DTNBP1: variants seen among roughly 807,000 people sequenced by gnomAD.
The protein encoded by DTNBP1 is dysbindin.
DTNBP1 carries 35 observed loss-of-function variants against 42.8 expected under a neutral mutation model. The ratio of observed to expected loss-of-function variants is 0.82; its 90% CI spans 0.63 to 1.09. The LOEUF is 1.09. DTNBP1 is among the 50% of genes least tolerant of loss of function. The pLI, the probability that DTNBP1 is intolerant of heterozygous loss-of-function variation, is 0.00. For synonymous variants in DTNBP1, 171 were observed against 162.2 expected, an observed-to-expected ratio of 1.05 and a Z score of -0.41; for missense variants, 457 against 424.2, an observed-to-expected ratio of 1.08 and a Z score of -0.68.
At chr6:15,547,878 T>A (rs1237998855) in intron 7 of DTNBP1, among the ~76,000 whole-genome samples, 1 of 152,230 alleles carries the variant, frequency 6.6e-6, no homozygotes, top group Non-Finnish European at 1.5e-5. Context: ...TTTCAAGCCA[T>A]CTGCATTTAA....
At chr6:15,585,129 A>T (rs907961324) in intron 7 of DTNBP1, among the ~76,000 whole-genome samples, 3 of 142,984 alleles carry the variant, frequency 2.1e-5, no homozygotes, top group Non-Finnish European at 4.5e-5. Context: ...TGTATGAAGC[A>T]TTATGACATT....
chr6:15,579,067 A>G (rs1303969989), intron 7 of DTNBP1, among the ~76,000 whole-genome samples: 1 of 152,236 alleles, frequency 6.6e-6, no homozygotes, highest in Non-Finnish European at 1.5e-5. Flanking sequence ...AGAAAAGAAA[A>G]TCAGTATTTT....
intron 1 of DTNBP1, among the ~76,000 whole-genome samples, chr6:15,652,985 T>A (rs894578352): frequency 1.2e-4 from 18 of 152,274 alleles, no homozygotes; most frequent in African/African-American, 4.1e-4. Context: ...CTAAATGTGA[T>A]CAGACCACAA....
chr6:15,566,332 A>C (rs991456630), intron 7 of DTNBP1, among the ~76,000 whole-genome samples: 1 of 151,864 alleles, frequency 6.6e-6, no homozygotes, highest in African/African-American at 2.4e-5. Context: ...AAAAAAAAAA[A>C]AAAATTCTAA....
At chr6:15,576,919 C>T (rs567531383) in intron 7 of DTNBP1, among the ~76,000 whole-genome samples, 33 of 152,202 alleles carry the variant, frequency 2.2e-4, no homozygotes, top group African/African-American at 7.7e-4. Context: ...GGGTGCTATG[C>T]CAATCACTAT....
At chr6:15,650,958 G>A (rs1313645391) in intron 3 of DTNBP1, among the ~76,000 whole-genome samples, 1 of 152,004 alleles carries the variant, frequency 6.6e-6, no homozygotes, top group Non-Finnish European at 1.5e-5. Context: ...TAAACTCCAT[G>A]TCAATAAAAG....
At chr6:15,638,252 C>T (rs1402219552) in intron 3 of DTNBP1, among the ~76,000 whole-genome samples, 4 of 152,012 alleles carry the variant, frequency 2.6e-5, no homozygotes, top group Admixed American at 1.3e-4. Context: ...CTCAGCCTCC[C>T]GAGTAGCTGG....
At chr6:15,639,833 G>A (rs375343582) in intron 3 of DTNBP1, among the ~76,000 whole-genome samples, 15 of 152,296 alleles carry the variant, frequency 9.8e-5, no homozygotes, top group East Asian at 9.6e-4. Context: ...TCAGGACTTC[G>A]TGGTAAAATT....
At chr6:15,599,624 A>G in intron 6 of DTNBP1, among the ~76,000 whole-genome samples, 1 of 152,198 alleles carries the variant, frequency 6.6e-6, no homozygotes, top group East Asian at 1.9e-4. Context: ...TAGGAAACTA[A>G]TAAAAACTAA....
At chr6:15,566,336 A>G (rs984794638) in intron 7 of DTNBP1, among the ~76,000 whole-genome samples, 5 of 144,540 alleles carry the variant, frequency 3.5e-5, no homozygotes, top group African/African-American at 1.3e-4. Context: ...AAAAAAAAAA[A>G]TTCTAAGCCC....
intron 1 of DTNBP1, among the ~76,000 whole-genome samples, chr6:15,656,599 T>C (rs1412701844): frequency 6.6e-6 from 1 of 152,010 alleles, no homozygotes; most frequent in Non-Finnish European, 1.5e-5. Flanking sequence ...TATACACAAA[T>C]TAGCCAGGCG....
At position 15,612,000 on chromosome 6, in the gene DTNBP1, T is replaced by G. The variant is rs145737587; in HGVS notation, c.488+3267A>C. ...GTTTGAGAGGATTGATTCCAATTTT[T>G]TAAGTAATTCTACTATGGGTGAAAT... On this transcript the variant is annotated intron_variant, in intron 6 of 9. Coordinates refer to ENST00000344537, the MANE Select transcript of DTNBP1 (RefSeq NM_032122.5). Among the ~76,000 whole-genome samples, 91 of 152,364 alleles carry G rather than the reference T, an allele frequency of 6.0e-4. 1 individual carries two copies. Among genetic ancestry groups the G allele is most frequent in the Middle Eastern group, 3.4e-3 (1 of 294 alleles).
chr6:15,544,713 G>GT (rs1171205440), intron 7 of DTNBP1, among the ~76,000 whole-genome samples: 4 of 152,224 alleles, frequency 2.6e-5, no homozygotes, highest in African/African-American at 9.7e-5. Context: ...TGCTCAACCA[G>GT]TAAGTGCATA....
chr6:15,572,920 C>T (rs953573308), intron 7 of DTNBP1, among the ~76,000 whole-genome samples: 2 of 152,128 alleles, frequency 1.3e-5, no homozygotes, highest in Admixed American at 6.5e-5. Flanking sequence ...TTTGTAGAGA[C>T]GAGGTCTCAC....
chr6:15,603,239 AAG>A (rs1345503265), intron 6 of DTNBP1, among the ~76,000 whole-genome samples: 1 of 152,254 alleles, frequency 6.6e-6, no homozygotes, highest in African/African-American at 2.4e-5. Context: ...GTCTGTTTTC[AAG>A]AGGTCATTGG....
intron 7 of DTNBP1, among the ~76,000 whole-genome samples, chr6:15,540,673 G>A (rs1163030415): frequency 6.6e-6 from 1 of 152,114 alleles, no homozygotes; most frequent in Non-Finnish European, 1.5e-5. Flanking sequence ...ATGGAGTCTT[G>A]CTCTGTCGTC....
At chr6:15,534,085 A>G (rs1773060174) in intron 7 of DTNBP1, among the ~76,000 whole-genome samples, 1 of 152,252 alleles carries the variant, frequency 6.6e-6, no homozygotes, top group Non-Finnish European at 1.5e-5. Context: ...CAGTCGCGAA[A>G]AGGCAAATGC....
chr6:15,525,660 C>T (rs577919571), intron 8 of DTNBP1, among the ~76,000 whole-genome samples: 7 of 152,240 alleles, frequency 4.6e-5, no homozygotes, highest in African/African-American at 1.7e-4. Flanking sequence ...ATCTCAAACT[C>T]GGGGCACAGT....
intron 7 of DTNBP1, among the ~76,000 whole-genome samples, chr6:15,574,164 C>T (rs1397502211): frequency 6.6e-6 from 1 of 152,138 alleles, no homozygotes; most frequent in African/African-American, 2.4e-5. Flanking sequence ...CAAAGAGTTA[C>T]AAGGAGAAAA....
Sources: gnomAD v4.1 joint callset for allele counts (sites outside exome capture counted in the v4.1 genomes callset) on GRCh38, gnomAD v4.1.1 for gene constraint, MANE v1.5 for transcripts, NCBI Gene and HGNC (gene_info 2026-07-23, HGNC 2026-07-21) for gene names.